Variants in MYO9A observed in about 807,000 individuals in gnomAD.
MYO9A encodes the protein unconventional myosin-IXa.
MYO9A carries 103 observed loss-of-function variants against 293.3 expected under a neutral mutation model. That is an observed-to-expected ratio of 0.35 (90% CI 0.30 to 0.41). The LOEUF (loss-of-function observed/expected upper bound fraction) is 0.41, where lower values mean the gene tolerates loss of function less well. Ranked by LOEUF, MYO9A falls within the 10% of genes least tolerant of loss-of-function variation. The pLI, the probability that MYO9A is intolerant of heterozygous loss-of-function variation, is 1.00. For missense variants in MYO9A, 2,685 were observed against 3,033.0 expected, an observed-to-expected ratio of 0.89 and a Z score of 2.69; for synonymous variants, 1,001 against 1,035.7, an observed-to-expected ratio of 0.97 and a Z score of 0.64.
Position 71,897,960 on chromosome 15 carries a change from G to C in MYO9A, c.4543C>G (p.Gln1515Glu). 1 of 1,614,154 alleles carries C rather than the reference G, an allele frequency of 6.2e-7. No individual in the cohort carries two copies. The highest frequency in any genetic ancestry group is 1.3e-5 in the African/African-American group (1 of 75,056). ...QQQNEKEMMEQIRQQTDILEK... is the reference protein window; with the variant it reads ...QQQNEKEMMEEIRQQTDILEK... ...AAAATATCTGTTTGCTGGCGAATCT[G>C]TTCCATCATCTCTTTTTCATTCTGT... Residue 1515 changes from glutamine (Q) to glutamate (E), a missense_variant, in exon 25 of 42, where the codon CAG becomes GAG. Physicochemically the swap from Gln to Glu is conservative, Grantham distance 29. Coordinates refer to ENST00000356056, the MANE Select transcript of MYO9A (RefSeq NM_006901.4).
At chr15:71,964,635 A>AAC (rs2075825833) in intron 13 of MYO9A, among the ~76,000 whole-genome samples, 1 of 151,374 alleles carries the variant, frequency 6.6e-6, no homozygotes, top group Non-Finnish European at 1.5e-5. Context: ...AAAAAAAAAA[A>AAC]AATTAGCTGG....
chr15:71,866,982 G>A (rs1290279394), intron 32 of MYO9A, among the ~76,000 whole-genome samples: 4 of 151,964 alleles, frequency 2.6e-5, no homozygotes, highest in African/African-American at 9.7e-5. Context: ...ACTTGAACTC[G>A]GGAGGTGGAA....
intron 6 of MYO9A, among the ~76,000 whole-genome samples, chr15:72,016,281 A>T (rs1458441797): frequency 1.3e-5 from 2 of 148,190 alleles, no homozygotes; most frequent in African/African-American, 4.9e-5. Context: ...GCCAAAGCTT[A>T]AAAAAAAAAA....
At chr15:72,031,179 T>G (rs2077857333) in intron 3 of MYO9A, among the ~76,000 whole-genome samples, 2 of 152,220 alleles carry the variant, frequency 1.3e-5, no homozygotes, top group South Asian at 4.2e-4. Context: ...ACGAAACCAG[T>G]CCCTGGCACC....
At chr15:72,054,234 C>A (rs568567645) in intron 1 of MYO9A, among the ~76,000 whole-genome samples, 10 of 152,166 alleles carry the variant, frequency 6.6e-5, no homozygotes, top group Admixed American at 2.6e-4. Flanking sequence ...TTATTTTAGG[C>A]TTAGGCCTGA....
chr15:71,975,277 G>C (rs2076108729), intron 12 of MYO9A, among the ~76,000 whole-genome samples: 1 of 149,394 alleles, frequency 6.7e-6, no homozygotes, highest in Admixed American at 6.8e-5. Flanking sequence ...TTGAAAGCCA[G>C]GGCGTGGCCT....
At chr15:71,849,926 TAA>T in intron 38 of MYO9A, 108 bp downstream of exon 38, 3 of 961,050 alleles carry the variant, frequency 3.1e-6, no homozygotes, top group Non-Finnish European at 4.4e-6. Context: ...ACAATCTTCT[TAA>T]AAACACCTGA....
intron 25 of MYO9A, 47 bp from the exon 26 acceptor site, chr15:71,893,825 C>T: frequency 1.4e-6 from 2 of 1,471,032 alleles, no homozygotes; most frequent in Non-Finnish European, 1.9e-6. Context: ...AGCAGATATC[C>T]CATGGCAGCC....
At chr15:71,983,659 T>C (rs2957748) in intron 11 of MYO9A, among the ~76,000 whole-genome samples, 139,980 of 151,520 alleles carry the variant, frequency 0.92, 65,040 homozygotes, top group Non-Finnish European at 0.97. Context: ...ATTTTTGTAG[T>C]TTTAGTAGAG....
chr15:71,956,330 A>AAATATATATATATATATAT (rs10642655), intron 14 of MYO9A, among the ~76,000 whole-genome samples: 1 of 75,580 alleles, frequency 1.3e-5, no homozygotes, highest in African/African-American at 6.0e-5. Flanking sequence ...AAAAAAAAAA[A>AAATATATATATATATATAT]ATATATATAT....
intron 18 of MYO9A, among the ~76,000 whole-genome samples, chr15:71,925,336 T>C (rs967086987): frequency 3.6e-5 from 3 of 84,174 alleles, no homozygotes; most frequent in Admixed American, 1.3e-4. Flanking sequence ...TATATACGTA[T>C]ATGTACATAT....
intron 39 of MYO9A, among the ~76,000 whole-genome samples, chr15:71,848,394 C>T (rs2055483764): frequency 1.3e-5 from 2 of 152,002 alleles, no homozygotes; most frequent in Admixed American, 6.6e-5. Context: ...GATGGAATTC[C>T]ATTTCCTTAA....
intron 17 of MYO9A, 34 bp downstream of exon 17, chr15:71,935,303 AAAAC>A (rs2058607971): frequency 6.6e-7 from 1 of 1,525,134 alleles, no homozygotes; most frequent in Non-Finnish European, 8.8e-7. Context: ...CAAAAAACAA[AAAAC>A]AAAAAACAAT....
chr15:71,987,957 T>G (rs1458247109), intron 11 of MYO9A, among the ~76,000 whole-genome samples: 2 of 152,314 alleles, frequency 1.3e-5, no homozygotes, highest in Admixed American at 1.3e-4. Flanking sequence ...ATCTTCCAAG[T>G]AGTTTTGAAC....
At chr15:71,974,325 C>T (rs1176038161) in intron 12 of MYO9A, among the ~76,000 whole-genome samples, 1 of 152,176 alleles carries the variant, frequency 6.6e-6, no homozygotes, top group Non-Finnish European at 1.5e-5. Context: ...GGCTGGCTTG[C>T]ATGCTTTCAC....
At chr15:72,075,512 G>C (rs2079322943) in intron 1 of MYO9A, among the ~76,000 whole-genome samples, 1 of 151,912 alleles carries the variant, frequency 6.6e-6, no homozygotes, top group African/African-American at 2.4e-5. Flanking sequence ...GGGGGAAAAA[G>C]AGCCAAATGG....
intron 13 of MYO9A, among the ~76,000 whole-genome samples, chr15:71,962,908 C>T (rs8040216): frequency 0.63 from 95,084 of 151,990 alleles, 31,293 homozygotes; most frequent in Middle Eastern, 0.74. Context: ...TTCTAGATTT[C>T]TAAGTACATT....
At chr15:71,840,693 G>A (rs1017436643) in intron 39 of MYO9A, among the ~76,000 whole-genome samples, 4 of 152,092 alleles carry the variant, frequency 2.6e-5, no homozygotes, top group South Asian at 2.1e-4. Flanking sequence ...GCAGTGGCGC[G>A]ATCTAGGCTC....
chr15:72,105,869 T>C (rs1328782299), intron 1 of MYO9A, among the ~76,000 whole-genome samples: 2 of 152,142 alleles, frequency 1.3e-5, no homozygotes, highest in African/African-American at 4.8e-5. Flanking sequence ...GTTCAAAAGA[T>C]TAAACATAAA....
Sources: gnomAD v4.1 joint callset for allele counts (sites outside exome capture counted in the v4.1 genomes callset) on GRCh38, gnomAD v4.1.1 for gene constraint, MANE v1.5 for transcripts, NCBI Gene and HGNC (gene_info 2026-07-23, HGNC 2026-07-21) for gene names.